TBC1D4: variants seen among roughly 807,000 people sequenced by gnomAD.
TBC1D4 encodes the protein TBC1 domain family member 4, also known as TBC (Tre-2, BUB2, CDC16) domain-containing protein.
In TBC1D4, 121 loss-of-function variants were observed where a neutral mutation model predicts 142.5. The ratio of observed to expected loss-of-function variants is 0.85; its 90% confidence interval spans 0.73 to 0.99. The LOEUF is 0.99. Ranked by LOEUF, TBC1D4 falls within the 50% of genes least tolerant of loss-of-function variation. The probability of loss-of-function intolerance (pLI) is 0.00; values close to 1 mark genes in which losing one functional copy is unlikely to be tolerated. For missense variants in TBC1D4, 1,475 were observed against 1,606.6 expected, an observed-to-expected ratio of 0.92 and a Z score of 1.40; for synonymous variants, 630 against 628.2, an observed-to-expected ratio of 1.00 and a Z score of -0.04.
At chr13:75,300,512 A>ATT (rs11429595) in intron 16 of TBC1D4, among the ~76,000 whole-genome samples, 2 of 151,592 alleles carry the variant, frequency 1.3e-5, no homozygotes, top group African/African-American at 4.9e-5. Context: ...CTTAAAAGTG[A>ATT]TTTTTTTTTC....
In TBC1D4 at chr13:75,286,231, C is replaced by A. The variant is rs1007827838; in HGVS notation, c.*561G>T. 6.5e-6 allele frequency: 1 copy of A among 153,606 alleles called. No homozygotes were observed. The highest frequency in any genetic ancestry group is 2.4e-5 in the African/African-American group (1 of 41,544). The allele number at this position is 153,606 out of a possible 1,614,324, so 9.5% of individuals were successfully genotyped here. ...TCCCAAAAAACTCACAGGAGCATGA[C>A]CAGTAATCATTTTCCTCATATAGAC... On this transcript the variant is annotated 3_prime_UTR_variant, in exon 21 of 21. Transcript: ENST00000377636.
chr13:75,449,552 C>T (rs1887443751), intron 1 of TBC1D4, among the ~76,000 whole-genome samples: 1 of 150,712 alleles, frequency 6.6e-6, no homozygotes, highest in South Asian at 2.1e-4. Flanking sequence ...CACACACACA[C>T]ACAGACGCGC....
chr13:75,382,479 T>C (rs1593820060), intron 1 of TBC1D4, among the ~76,000 whole-genome samples: 1 of 152,250 alleles, frequency 6.6e-6, no homozygotes, highest in East Asian at 1.9e-4. Flanking sequence ...TAAAATTGTG[T>C]TATTCAATAT....
intron 15 of TBC1D4, among the ~76,000 whole-genome samples, chr13:75,304,587 G>A (rs1237474853): frequency 5.9e-5 from 9 of 152,144 alleles, no homozygotes; most frequent in Admixed American, 5.2e-4. Context: ...ACTGATTTTG[G>A]TCGGGGGGCA....
intron 16 of TBC1D4, 50 bp from the exon 17 acceptor site, chr13:75,299,624 G>C (rs750798390): frequency 3.1e-6 from 5 of 1,608,238 alleles, no homozygotes; most frequent in Non-Finnish European, 4.2e-6. Context: ...TCATGCCTTG[G>C]AGACAACAGT....
chr13:75,357,805 G>C (rs1432946984), intron 3 of TBC1D4, among the ~76,000 whole-genome samples: 1 of 152,202 alleles, frequency 6.6e-6, no homozygotes, highest in East Asian at 1.9e-4. Context: ...CACTCAGTGA[G>C]GAGCAGATGG....
At chr13:75,467,714 A>G (rs557262964) in intron 1 of TBC1D4, among the ~76,000 whole-genome samples, 1 of 152,338 alleles carries the variant, frequency 6.6e-6, no homozygotes, top group East Asian at 1.9e-4. Context: ...GTAGAACCCC[A>G]ACCCACAAGA....
chr13:75,328,771 G>A (rs879662624), intron 8 of TBC1D4, among the ~76,000 whole-genome samples: 2 of 152,090 alleles, frequency 1.3e-5, no homozygotes, highest in Non-Finnish European at 2.9e-5. Flanking sequence ...TCCAGGCTTC[G>A]ACTCTGTCTG....
In TBC1D4 at chr13:75,481,486, G is replaced by C; in HGVS notation, c.282C>G (p.Val94=). 1 of 1,612,776 alleles carries C rather than the reference G, an allele frequency of 6.2e-7. No homozygotes were observed. Among genetic ancestry groups the C allele is most frequent in the Non-Finnish European group, 8.5e-7 (1 of 1,179,306 alleles). The change falls in exon 1 of 21, where the codon GTC becomes GTG. Residue 94 remains valine, a synonymous_variant. Transcript: ENST00000377636. Reference sequence around the variant, plus strand: ...CCGAGGCCCCAGCGCCCGGCGCGGGGACGCAACGCAGGAAGGGCGCGCTGA... The same window carrying C: ...CCGAGGCCCCAGCGCCCGGCGCGGGCACGCAACGCAGGAAGGGCGCGCTGA... The part of the protein sequence containing the change: ...LVLSAPFLRC[V]PAPGAGASGG...
chr13:75,478,840 A>G (rs1312554810), intron 1 of TBC1D4, among the ~76,000 whole-genome samples: 1 of 152,230 alleles, frequency 6.6e-6, no homozygotes, highest in Non-Finnish European at 1.5e-5. Flanking sequence ...CATAGTGTCA[A>G]TGACTGCGCT....
intron 1 of TBC1D4, among the ~76,000 whole-genome samples, chr13:75,363,594 C>A (rs994353275): frequency 6.6e-6 from 1 of 151,090 alleles, no homozygotes; most frequent in African/African-American, 2.5e-5. Context: ...CCAGACGGAT[C>A]CAAGGTACTT....
chr13:75,407,785 A>G (rs942141403), intron 1 of TBC1D4, among the ~76,000 whole-genome samples: 1 of 151,992 alleles, frequency 6.6e-6, no homozygotes, highest in Admixed American at 6.6e-5. Context: ...AAGGGTATAA[A>G]CTCTGGAAAC....
At chr13:75,430,736 T>C (rs1886562773) in intron 1 of TBC1D4, among the ~76,000 whole-genome samples, 1 of 152,208 alleles carries the variant, frequency 6.6e-6, no homozygotes, top group Admixed American at 6.5e-5. Flanking sequence ...TGTGTAGATA[T>C]GAACAGTTGC....
Position 75,286,803 on chromosome 13 carries a change from T to C in TBC1D4, c.3886A>G (p.Asn1296Asp), listed in dbSNP as rs1247579289. 6.2e-7 allele frequency: 1 copy of C among 1,613,620 alleles called. No homozygotes were observed. The highest frequency in any genetic ancestry group is 8.5e-7 in the Non-Finnish European group (1 of 1,179,872). Residue 1296 changes from asparagine to aspartate, a missense_variant, in exon 21 of 21, where the codon AAT (asparagine) becomes GAT (aspartate). By Grantham distance (23) the Asn-to-Asp change is conservative. Coordinates refer to ENST00000377636, the MANE Select transcript of TBC1D4 (RefSeq NM_014832.5). ...CNPNNKAKIG[N>D]KP ...CCGTGCCTCTTCAATTATGGCTTAT[T>C]TCCTATCTTGGCTTTGTTGTTAGGG... is the stretch of plus-strand genomic sequence containing the variant.
intron 13 of TBC1D4, among the ~76,000 whole-genome samples, chr13:75,310,882 T>C (rs1191136786): frequency 6.6e-6 from 1 of 152,200 alleles, no homozygotes; most frequent in African/African-American, 2.4e-5. Context: ...AGATCCCGCT[T>C]ATAAGTGAGA....
intron 1 of TBC1D4, among the ~76,000 whole-genome samples, chr13:75,399,226 G>A (rs528281479): frequency 2.0e-5 from 3 of 152,038 alleles, no homozygotes; most frequent in Non-Finnish European, 2.9e-5. Flanking sequence ...AAAAAGAGTT[G>A]GCTGCAAACA....
intron 15 of TBC1D4, chr13:75,302,815 A>G: frequency 4.3e-6 from 1 of 234,248 alleles, no homozygotes; most frequent in Non-Finnish European, 8.4e-6. Context: ...TCACATGGCT[A>G]GGAAGTGGCA....
intron 1 of TBC1D4, among the ~76,000 whole-genome samples, chr13:75,390,901 A>G (rs375408599): frequency 2.6e-4 from 39 of 148,400 alleles, no homozygotes; most frequent in African/African-American, 9.0e-4. Context: ...GTGAGGATCT[A>G]TATTATCTTT....
chr13:75,390,038 G>T (rs1210079953), intron 1 of TBC1D4, among the ~76,000 whole-genome samples: 2 of 152,142 alleles, frequency 1.3e-5, no homozygotes, highest in Non-Finnish European at 2.9e-5. Context: ...CACTTTGGGA[G>T]GGCGAGGCAG....
Sources: allele counts gnomAD v4.1 joint callset (sites outside exome capture counted in the v4.1 genomes callset), GRCh38; gene constraint gnomAD v4.1.1; transcripts MANE v1.5; gene names NCBI Gene and HGNC (gene_info 2026-07-23, HGNC 2026-07-21).